Variants in CORO7 observed in about 807,000 individuals in gnomAD.
CORO7 encodes the protein coronin 7, also known as coronin-7.
Under a neutral mutation model 126.6 loss-of-function variants are expected in CORO7, and 107 were observed. The ratio of observed to expected loss-of-function variants is 0.85; its 90% CI spans 0.72 to 0.99. The LOEUF (loss-of-function observed/expected upper bound fraction) is 0.99. Ranked by LOEUF, CORO7 falls within the 50% of genes least tolerant of loss-of-function variation. The probability of loss-of-function intolerance (pLI) is 0.00; values close to 1 mark genes in which losing one functional copy is unlikely to be tolerated. For missense variants in CORO7, 1,314 were observed against 1,255.8 expected (o/e 1.05, Z -0.70); for synonymous variants, 603 against 536.8 (o/e 1.12, Z -1.70).
Position 4,359,564 on chromosome 16 carries a change from C to T in CORO7, c.2166G>A (p.Leu722=). The change falls in exon 22 of 28, where the codon TTG becomes TTA. Residue 722 remains leucine, a synonymous_variant. Coordinates refer to ENST00000251166, the MANE Select transcript of CORO7 (RefSeq NM_024535.5). ...YEAEALAGGP[L]AVLGLDVAPS... is the part of the protein sequence containing the mutation. The stretch of plus-strand genomic sequence containing the variant: ...GAGCCACGTCCAGGCCCAACACTGC[C>T]AAGGGTCCGCCGGCCAGGGCCTCAG... The T allele has an allele frequency of 6.2e-7, 1 of 1,612,562 alleles. No individual in the cohort carries two copies. Among genetic ancestry groups the T allele is most frequent in the South Asian group, 1.1e-5 (1 of 91,034 alleles).
chr16:4,393,966 T>C (rs7206842), intron 7 of CORO7, among the ~76,000 whole-genome samples: 2,514 of 151,828 alleles, frequency 0.017, 79 homozygotes, highest in African/African-American at 0.056. Context: ...CCGGGCATGG[T>C]GGCGGGCACC....
intron 6 of CORO7, among the ~76,000 whole-genome samples, chr16:4,398,101 G>A (rs977929699): frequency 1.1e-4 from 17 of 150,628 alleles, no homozygotes; most frequent in Non-Finnish European, 2.2e-4. Flanking sequence ...TATTTCTTTC[G>A]TAGAGATGAG....
At position 4,357,174 on chromosome 16, in the gene CORO7, C is replaced by A. The variant is rs1216737107; in HGVS notation, c.2679G>T (p.Lys893Asn). The change falls in exon 26 of 28, where the codon AAG becomes AAT. Residue 893 changes from lysine (K) to asparagine (N), a missense_variant. By Grantham distance (94) the Lys-to-Asn change is moderately conservative (BLOSUM62 0). Transcript: ENST00000251166. The part of the protein sequence containing the change: ...YLEEKSDQQK[K>N]EELLNAMVAK... ...TGCTCTCTCCCATGCCTACCTCCTC[C>A]TTCTTTTGCTGGTCAGACTTTTCTT... 2.5e-6 allele frequency: 4 copies of A among 1,613,816 alleles called. No individual in the cohort carries two copies. Among genetic ancestry groups the A allele is most frequent in the Non-Finnish European group, 3.4e-6 (4 of 1,180,010 alleles).
At chr16:4,376,889 A>C (rs78351926) in intron 9 of CORO7, among the ~76,000 whole-genome samples, 1 of 152,190 alleles carries the variant, frequency 6.6e-6, no homozygotes, top group Non-Finnish European at 1.5e-5. Context: ...AGCTGGCCTG[A>C]AACCCTCTCC....
chr16:4,360,672 A>C, intron 19 of CORO7, 124 bp from the exon 20 acceptor site: 4 of 1,338,986 alleles, frequency 3.0e-6, no homozygotes, highest in Non-Finnish European at 4.0e-6. Flanking sequence ...GCCTCTCCTC[A>C]CTGCTGGTCT....
Position 4,355,361 on chromosome 16 carries a change from G to C in CORO7, c.2697C>G (p.Ala899=). 1 of 1,611,098 alleles carries C rather than the reference G, an allele frequency of 6.2e-7. No homozygotes were observed. The highest frequency in any genetic ancestry group is 1.3e-5 in the African/African-American group (1 of 75,040). ...CCCGGTTCCCCAGTTTTGCCACCAT[G>C]GCATTCAGCAGCTGGGAGAGAGGGC... ...DQQKKEELLN[A]MVAKLGNRED... is the part of the protein sequence containing the mutation. Residue 899 remains alanine (A), a synonymous_variant, in exon 27 of 28, where the codon GCC becomes GCG. Coordinates refer to ENST00000251166, the MANE Select transcript of CORO7 (RefSeq NM_024535.5).
intron 6 of CORO7, among the ~76,000 whole-genome samples, chr16:4,398,239 T>A (rs893097083): frequency 2.0e-5 from 3 of 152,058 alleles, no homozygotes; most frequent in African/African-American, 7.2e-5. Context: ...ATTTTAAAAA[T>A]ATATATATAG....
chr16:4,388,273 A>G (rs1291198946), intron 8 of CORO7, among the ~76,000 whole-genome samples: 2 of 152,168 alleles, frequency 1.3e-5, no homozygotes, highest in African/African-American at 4.8e-5. Context: ...TAGGTGACAA[A>G]GGATGAGGGG....
chr16:4,355,344 C>G lies in CORO7; in HGVS notation c.2714G>C (p.Gly905Ala), dbSNP rs1196244984. Residue 905 changes from glycine (G) to alanine (A), a missense_variant, in exon 27 of 28, where the codon GGG becomes GCG. Physicochemically the swap from Gly to Ala is moderately conservative, Grantham distance 60. Coordinates refer to ENST00000251166, the MANE Select transcript of CORO7 (RefSeq NM_024535.5). ...ELLNAMVAKL[G>A]NREDPLPQDS... The stretch of plus-strand genomic sequence containing the variant: ...CTGGGGGAGTGGGTCCTCCCGGTTC[C>G]CCAGTTTTGCCACCATGGCATTCAG... 1 of 1,612,158 alleles carries G rather than the reference C, an allele frequency of 6.2e-7. No homozygotes were observed. The highest frequency in any genetic ancestry group is 8.5e-7 in the Non-Finnish European group (1 of 1,179,896).
In CORO7 at chr16:4,358,081, A is replaced by G; in HGVS notation, c.2480T>C (p.Val827Ala). ...CCAGATCACAGCCGTGTCTGGGAAC[A>G]CGTCATCCTGGAAGAACTCTTTCTG... ...RVRKEFFQDD[V>A]FPDTAVIWEP... Residue 827 changes from valine to alanine, a missense_variant, in exon 25 of 28, where the codon GTG becomes GCG. Val to Ala is a moderately conservative substitution (Grantham distance 64). Transcript: ENST00000251166. 6.2e-7 allele frequency: 1 copy of G among 1,612,516 alleles called. No individual in the cohort carries two copies. The highest frequency in any genetic ancestry group is 1.3e-5 in the African/African-American group (1 of 75,008).
Position 4,360,355 on chromosome 16 carries a change from T to C in CORO7, c.2031A>G (p.Pro677=). The C allele has an allele frequency of 2.5e-6, 4 of 1,613,584 alleles. No homozygotes were observed. The highest frequency in any genetic ancestry group is 3.4e-6 in the Non-Finnish European group (4 of 1,179,976). The change falls in exon 21 of 28, where the codon CCA becomes CCG. Residue 677 remains proline (P), a synonymous_variant. Transcript: ENST00000251166. ...GAGCTCCGCGTCCTCCCTTGGGCCC[T>C]GGGCCTTCCTGTTGAGATACATCGC... ...RSGPEPLQEG[P]GPKGGRGARI...
In CORO7 at chr16:4,357,962, G is replaced by C; in HGVS notation, c.2593+6C>G. 1 of 1,595,350 alleles carries C rather than the reference G, an allele frequency of 6.3e-7. No individual in the cohort carries two copies. The highest frequency in any genetic ancestry group is 8.6e-7 in the Non-Finnish European group (1 of 1,165,222). The stretch of plus-strand genomic sequence containing the variant: ...CTTCCTCCCCACACCCAGTCCCTCG[G>C]TGCACCTGGGCTCATGTCAGGAGGC... On this transcript the variant is annotated splice_donor_region_variant and intron_variant, in intron 25 of 27. Coordinates refer to ENST00000251166, the MANE Select transcript of CORO7 (RefSeq NM_024535.5).
rs1271632846 is a variant in CORO7 at position 4,413,229 on chromosome 16, T to G, written c.157+79A>C. 5 of 1,425,190 alleles carry G rather than the reference T, an allele frequency of 3.5e-6. No homozygotes were observed. In the East Asian group the frequency reaches 1.0e-4, roughly 29 times the overall value. 88.3% of individuals were successfully genotyped at this position (1,425,190 alleles called of 1,614,324 possible). Reference sequence around the variant, plus strand: ...TCCAAGTCTCCAAATACACCAAGCCTGCCCCTGCTCCCCACCCCATCTATG... The same window carrying G: ...TCCAAGTCTCCAAATACACCAAGCCGGCCCCTGCTCCCCACCCCATCTATG... On this transcript the variant is annotated intron_variant, in intron 2 of 27. Coordinates refer to ENST00000251166, the MANE Select transcript of CORO7 (RefSeq NM_024535.5).
chr16:4,416,352 C>G, intron 1 of CORO7, 107 bp downstream of exon 1: 1 of 1,359,124 alleles, frequency 7.4e-7, no homozygotes, highest in South Asian at 1.6e-5. Context: ...ATGGAGGTCT[C>G]GGGGTTCCAG....
intron 6 of CORO7, among the ~76,000 whole-genome samples, chr16:4,400,639 C>T (rs1433518058): frequency 6.8e-6 from 1 of 146,986 alleles, no homozygotes; most frequent in East Asian, 1.9e-4. Flanking sequence ...GTCTCAAAAA[C>T]AAAAACAAAA....
At chr16:4,409,673 G>A (rs893929475) in intron 3 of CORO7, among the ~76,000 whole-genome samples, 1 of 152,228 alleles carries the variant, frequency 6.6e-6, no homozygotes, top group East Asian at 1.9e-4. Flanking sequence ...ATGACATGCT[G>A]CTGCCTTTTC....
At chr16:4,357,463 G>A in intron 25 of CORO7, 3 of 532,800 alleles carry the variant, frequency 5.6e-6, no homozygotes, top group East Asian at 3.6e-5. Flanking sequence ...GGGTTCAAGC[G>A]ATTCTCCTGC....
In CORO7 at chr16:4,364,272, T is replaced by C; in HGVS notation, c.1275+4A>G. 6.5e-7 allele frequency: 1 copy of C among 1,532,222 alleles called. No individual in the cohort carries two copies. The highest frequency in any genetic ancestry group is 8.8e-7 in the Non-Finnish European group (1 of 1,142,628). The allele number at this position is 1,532,222 out of a possible 1,614,324, so 94.9% of individuals were successfully genotyped here. ...GGGAGGATGGGGGCGGCCCTGGTAC[T>C]TACGCTTGCGTCTGCATCACCCACG... On this transcript the variant is annotated splice_donor_region_variant and intron_variant, in intron 14 of 27. Coordinates refer to ENST00000251166, the MANE Select transcript of CORO7 (RefSeq NM_024535.5).
intron 9 of CORO7, among the ~76,000 whole-genome samples, chr16:4,384,852 C>T (rs1017554788): frequency 6.6e-6 from 1 of 152,152 alleles, no homozygotes; most frequent in Non-Finnish European, 1.5e-5. Flanking sequence ...TCCCCCGGCC[C>T]GTGGCTGCAT....
Sources: gnomAD v4.1 joint callset for allele counts (sites outside exome capture counted in the v4.1 genomes callset) on GRCh38, gnomAD v4.1.1 for gene constraint, MANE v1.5 for transcripts, NCBI Gene and HGNC (gene_info 2026-07-23, HGNC 2026-07-21) for gene names.